CARMIL1: variants seen among roughly 807,000 people sequenced by gnomAD.
CARMIL1 encodes the protein capping protein regulator and myosin 1 linker 1, also known as F-actin-uncapping protein LRRC16A.
CARMIL1 carries 90 observed loss-of-function variants against 177.1 expected under a neutral mutation model. The observed-to-expected ratio is 0.51, with a 90% confidence interval of 0.43 to 0.61. The LOEUF (loss-of-function observed/expected upper bound fraction) is 0.61. Among genes scored for constraint, CARMIL1 ranks in the 20% least tolerant of loss-of-function variants. The pLI, the probability that CARMIL1 is intolerant of heterozygous loss-of-function variation, is 0.00. For missense variants in CARMIL1, 1,380 were observed against 1,667.0 expected (o/e 0.83, Z 3.00); for synonymous variants, 577 against 606.2 (o/e 0.95, Z 0.71).
At chr6:25,439,410 C>T (rs1797528636) in intron 5 of CARMIL1, among the ~76,000 whole-genome samples, 1 of 152,156 alleles carries the variant, frequency 6.6e-6, no homozygotes. Flanking sequence ...TTGATAACAT[C>T]ACCTGGAGAA....
chr6:25,377,384 G>A (rs991298127), intron 2 of CARMIL1, among the ~76,000 whole-genome samples: 1 of 152,132 alleles, frequency 6.6e-6, no homozygotes, highest in African/African-American at 2.4e-5. Context: ...TTTGTTTCAT[G>A]GAGTGCTCCC....
chr6:25,446,305 A>G lies in CARMIL1; in HGVS notation c.372-3593A>G, dbSNP rs191186022. 2.4e-3 allele frequency among the ~76,000 whole-genome samples: 361 copies of G among 152,358 alleles called. 3 individuals carry two copies. The highest frequency in any genetic ancestry group is 0.017 in the Middle Eastern group (5 of 294). ...GTAGGAGGCTCTTTCATCTACATTG[A>G]AAATCAGTTGTTTAGTGTAGCCATC... On this transcript the variant is annotated intron_variant, in intron 5 of 36. Transcript: ENST00000329474.
intron 35 of CARMIL1, among the ~76,000 whole-genome samples, chr6:25,609,841 T>C (rs1422181437): frequency 6.6e-6 from 1 of 152,248 alleles, no homozygotes; most frequent in African/African-American, 2.4e-5. Context: ...TGTGCAGATA[T>C]TAACTTTTTA....
intron 5 of CARMIL1, among the ~76,000 whole-genome samples, chr6:25,446,036 T>C (rs929092736): frequency 6.6e-6 from 1 of 152,160 alleles, no homozygotes; most frequent in Non-Finnish European, 1.5e-5. Flanking sequence ...CAGTAAACCA[T>C]TCTGTAAATA....
At chr6:25,384,493 T>G (rs79815492) in intron 2 of CARMIL1, among the ~76,000 whole-genome samples, 7,887 of 152,352 alleles carry the variant, frequency 0.052, 255 homozygotes, top group Non-Finnish European at 0.07. Flanking sequence ...AGAGTGGCCT[T>G]GGACTCGTGT....
intron 31 of CARMIL1, among the ~76,000 whole-genome samples, chr6:25,592,455 C>T (rs188155523): frequency 1.3e-5 from 2 of 152,238 alleles, no homozygotes; most frequent in East Asian, 1.9e-4. Flanking sequence ...CTCTGCATAA[C>T]GGAATTATAG....
chr6:25,611,808 G>A (rs998775837), intron 36 of CARMIL1, among the ~76,000 whole-genome samples: 7 of 152,188 alleles, frequency 4.6e-5, no homozygotes, highest in Non-Finnish European at 1.0e-4. Flanking sequence ...AGCCTCACAA[G>A]TACAAATATA....
chr6:25,421,502 G>C (rs1795849074), intron 3 of CARMIL1, among the ~76,000 whole-genome samples: 1 of 152,176 alleles, frequency 6.6e-6, no homozygotes, highest in Admixed American at 6.5e-5. Context: ...AATACCATTT[G>C]ACCCAGCCAT....
intron 25 of CARMIL1, among the ~76,000 whole-genome samples, chr6:25,539,179 C>T (rs1047608758): frequency 2.0e-5 from 3 of 151,934 alleles, no homozygotes; most frequent in African/African-American, 7.3e-5. Context: ...TATGGGAACC[C>T]CTTGAATTTA....
chr6:25,441,337 A>ATATATGTATG, intron 5 of CARMIL1, among the ~76,000 whole-genome samples: 1 of 94,534 alleles, frequency 1.1e-5, no homozygotes, highest in Admixed American at 1.2e-4. Flanking sequence ...ATATATATAT[A>ATATATGTATG]TGTGTGTGTG....
chr6:25,431,126 T>C (rs1431150876), intron 4 of CARMIL1, among the ~76,000 whole-genome samples: 1 of 152,228 alleles, frequency 6.6e-6, no homozygotes, highest in Non-Finnish European at 1.5e-5. Context: ...TAACTCGTCA[T>C]TTAACAACTT....
At chr6:25,526,487 A>C (rs1807154005) in intron 23 of CARMIL1, among the ~76,000 whole-genome samples, 1 of 148,134 alleles carries the variant, frequency 6.8e-6, no homozygotes, top group African/African-American at 2.5e-5. Context: ...CTTCCCTCTC[A>C]TTCTCCTGTT....
intron 26 of CARMIL1, among the ~76,000 whole-genome samples, chr6:25,544,282 A>G (rs1809206033): frequency 6.6e-6 from 1 of 152,094 alleles, no homozygotes; most frequent in Non-Finnish European, 1.5e-5. Context: ...CTAAAGCAGG[A>G]TAGATAAAAG....
chr6:25,348,836 G>A (rs1038520481), intron 2 of CARMIL1, among the ~76,000 whole-genome samples: 4 of 151,964 alleles, frequency 2.6e-5, no homozygotes, highest in African/African-American at 9.7e-5. Flanking sequence ...TCCAATTTTT[G>A]GTGAATCAGT....
chr6:25,284,964 T>C lies in CARMIL1; in HGVS notation c.138+55T>C. ...GTTTGGAAATGAAAGTGTGTTTTCA[T>C]TGTTTAGATTGCTTAATTTTCATGC... On this transcript the variant is annotated intron_variant, in intron 2 of 36. Coordinates refer to ENST00000329474, the MANE Select transcript of CARMIL1 (RefSeq NM_017640.6). The C allele has an allele frequency of 2.8e-6, 3 of 1,061,226 alleles. No individual in the cohort carries two copies. In the Middle Eastern group the frequency reaches 6.1e-4, roughly 216 times the overall value. The allele number at this position is 1,061,226 out of a possible 1,614,324, so 65.7% of individuals were successfully genotyped here. A position where few individuals can be genotyped will look rare whatever the true frequency, so the allele number is the denominator to read the frequency against.
intron 2 of CARMIL1, 23 bp from the exon 3 acceptor site, chr6:25,420,091 A>T (rs1562112408): frequency 6.2e-7 from 1 of 1,604,960 alleles, no homozygotes; most frequent in Non-Finnish European, 8.5e-7. Flanking sequence ...GCTTATACTG[A>T]TGCTGCTGCT....
intron 2 of CARMIL1, among the ~76,000 whole-genome samples, chr6:25,362,541 G>A (rs1010872647): frequency 6.6e-5 from 10 of 152,198 alleles, no homozygotes; most frequent in African/African-American, 2.4e-4. Context: ...GGGCATGGTG[G>A]CACATGCCTG....
intron 2 of CARMIL1, among the ~76,000 whole-genome samples, chr6:25,333,363 G>C (rs1290468747): frequency 1.3e-5 from 2 of 152,058 alleles, no homozygotes; most frequent in East Asian, 3.9e-4. Flanking sequence ...AGGAGTTCGA[G>C]ACCAGCCTGG....
At chr6:25,604,747 T>A (rs1815773887) in intron 33 of CARMIL1, 65 bp from the exon 34 acceptor site, 2 of 1,270,600 alleles carry the variant, frequency 1.6e-6, no homozygotes. Context: ...TTATCTGCAT[T>A]GTTTTTTCAC....
Sources: allele counts gnomAD v4.1 joint callset (sites outside exome capture counted in the v4.1 genomes callset), GRCh38; gene constraint gnomAD v4.1.1; transcripts MANE v1.5; gene names NCBI Gene and HGNC (gene_info 2026-07-23, HGNC 2026-07-21).